The following CPVL variants were observed in gnomAD, a reference collection of about 807,000 sequenced individuals.
CPVL encodes the protein carboxypeptidase vitellogenic like.
A neutral mutation model predicts 63.7 loss-of-function variants in CPVL; 51 were observed. That is an observed-to-expected ratio of 0.80 (90% CI 0.64 to 1.01). The LOEUF is 1.01. Among genes scored for constraint, CPVL ranks in the 50% least tolerant of loss-of-function variants. CPVL has a pLI of 0.00. For missense variants in CPVL, 530 were observed against 573.1 expected (o/e 0.92, Z 0.77); for synonymous variants, 195 against 206.0 (o/e 0.95, Z 0.46).
chr7:29,024,828 C>G (rs1787334441), intron 12 of CPVL, among the ~76,000 whole-genome samples: 1 of 152,138 alleles, frequency 6.6e-6, no homozygotes, highest in Non-Finnish European at 1.5e-5. Context: ...ACTGGCCCTA[C>G]AAGAAATGCT....
rs373137123 is a variant in CPVL, at chr7:29,142,895, G to C, written c.-11+3534C>G. On this transcript the variant is annotated intron_variant, in intron 1 of 12. Coordinates refer to ENST00000265394, the MANE Select transcript of CPVL (RefSeq NM_031311.5). ...GAGTTCTAAAACCAGAAGTCCTCAA[G>C]TCAAATCTGTCACCAAGTGCTATTC... Among the ~76,000 whole-genome samples the C allele has an allele frequency of 4.7e-4, 71 of 152,214 alleles. 2 individuals carry two copies. Among genetic ancestry groups the C allele is most frequent in the African/African-American group, 1.7e-3 (69 of 41,542 alleles).
At chr7:29,077,515 T>C (rs1253236251) in intron 7 of CPVL, among the ~76,000 whole-genome samples, 1 of 152,136 alleles carries the variant, frequency 6.6e-6, no homozygotes, top group Non-Finnish European at 1.5e-5. Flanking sequence ...ACTTCAGCAA[T>C]GGTACACTGA....
At chr7:29,107,643 T>C (rs972894619) in intron 3 of CPVL, among the ~76,000 whole-genome samples, 6 of 152,230 alleles carry the variant, frequency 3.9e-5, no homozygotes, top group Non-Finnish European at 8.8e-5. Flanking sequence ...TTACAAACAC[T>C]GATCCCTGGG....
chr7:29,194,971 C>T, intron 1 of CPVL: 2 of 1,586,044 alleles, frequency 1.3e-6, no homozygotes, highest in Non-Finnish European at 1.7e-6. Flanking sequence ...CCAGCCTGTC[C>T]GGCTCGTCGG....
chr7:29,161,443 A>G (rs553807293), intron 5 of CPVL, among the ~76,000 whole-genome samples: 1 of 152,252 alleles, frequency 6.6e-6, no homozygotes, highest in Non-Finnish European at 1.5e-5. Flanking sequence ...TTCCCTTTCC[A>G]GCTGGACCCC....
chr7:29,106,149 CAG>C (rs1489770989), intron 3 of CPVL, among the ~76,000 whole-genome samples: 1 of 152,118 alleles, frequency 6.6e-6, no homozygotes, highest in African/African-American at 2.4e-5. Context: ...CAGGTGGACA[CAG>C]AGAGACTCAG....
chr7:29,112,494 A>G (rs1300893085), intron 3 of CPVL, among the ~76,000 whole-genome samples: 2 of 152,142 alleles, frequency 1.3e-5, no homozygotes, highest in Admixed American at 6.5e-5. Flanking sequence ...GAAGTTGGAC[A>G]CTTCCCACTC....
At chr7:29,037,485 G>A (rs1412807065) in intron 11 of CPVL, among the ~76,000 whole-genome samples, 5 of 149,372 alleles carry the variant, frequency 3.3e-5, no homozygotes, top group African/African-American at 9.9e-5. Flanking sequence ...CCTGGGAGGC[G>A]GAGCTTGCAG....
chr7:29,186,253 C>CA (rs70980510), intron 2 of CPVL, among the ~76,000 whole-genome samples: 17,468 of 146,114 alleles, frequency 0.12, 1,141 homozygotes, highest in African/African-American at 0.17. Context: ...ATGTTTTAGG[C>CA]AAAAAAAAAA....
intron 1 of CPVL, chr7:29,194,324 C>G (rs1298343398): frequency 6.6e-6 from 1 of 152,384 alleles, no homozygotes; most frequent in African/African-American, 2.4e-5. Flanking sequence ...CCCTGTCCAG[C>G]AGTCCGCAGC....
At chr7:29,073,658 C>G (rs1783964928) in intron 7 of CPVL, among the ~76,000 whole-genome samples, 1 of 152,128 alleles carries the variant, frequency 6.6e-6, no homozygotes, top group Non-Finnish European at 1.5e-5. Context: ...CCCTCAATGT[C>G]CTATATTTTT....
rs377701700 is a variant in CPVL at position 29,124,026 on chromosome 7, C to T, written c.-10-2955G>A. Among the ~76,000 whole-genome samples the T allele has an allele frequency of 5.9e-5, 9 of 152,030 alleles. No homozygotes were observed. The South Asian group carries it at 8.3e-4, about 14-fold the overall frequency. ...TTCCCATTCAGGTGAATTAAAGCAC[C>T]GACATACTTCATTTTACAGTTCTCA... is the stretch of plus-strand genomic sequence containing the variant. On this transcript the variant is annotated intron_variant, in intron 1 of 12. Transcript: ENST00000265394.
At chr7:28,995,019 CAAT>C (rs752583456), downstream of CPVL, among the ~76,000 whole-genome samples, 1 of 152,002 alleles carries the variant, frequency 6.6e-6, no homozygotes, top group Middle Eastern at 3.2e-3. Context: ...GATATTCTAA[CAAT>C]GATACAAAAT....
At chr7:29,066,157 G>C in intron 9 of CPVL, 36 bp from the exon 10 acceptor site, 4 of 1,035,508 alleles carry the variant, frequency 3.9e-6, no homozygotes, top group Non-Finnish European at 5.9e-6. Flanking sequence ...AAGAAAGAAA[G>C]AAAACATCAG....
At chr7:29,052,958 A>G (rs1790349698) in intron 11 of CPVL, among the ~76,000 whole-genome samples, 1 of 152,284 alleles carries the variant, frequency 6.6e-6, no homozygotes, top group Admixed American at 6.5e-5. Flanking sequence ...AATAAAAAAC[A>G]AATAACCCAA....
Position 29,071,895 on chromosome 7 carries a change from C to T in CPVL, c.742G>A (p.Gly248Ser), listed in dbSNP as rs540733056. 48 of 1,613,986 alleles carry T rather than the reference C, an allele frequency of 3.0e-5. No homozygotes were observed. In the South Asian group the frequency reaches 5.2e-4, roughly 17 times the overall value. Reference sequence around the variant, plus strand: ...ATTTGGTACAGGAATTCTGCATAGCCCCCTATAATCTGAGGACAAAAAAGA... The same window carrying T: ...ATTTGGTACAGGAATTCTGCATAGCTCCCTATAATCTGAGGACAAAAAAGA... ...GYSDPESIIG[G>S]YAEFLYQIGL... Residue 248 changes from glycine (G) to serine (S), a missense_variant, in exon 9 of 13, where the codon GGC becomes AGC. By Grantham distance (56) the Gly-to-Ser change is moderately conservative (BLOSUM62 0). Coordinates refer to ENST00000265394, the MANE Select transcript of CPVL (RefSeq NM_031311.5).
intron 2 of CPVL, among the ~76,000 whole-genome samples, chr7:29,119,219 G>A (rs990126233): frequency 4.6e-5 from 7 of 152,236 alleles, no homozygotes; most frequent in African/African-American, 7.2e-5. Context: ...GGGGGCAGTG[G>A]CTCACGCCTA....
chr7:28,996,796 T>C lies in CPVL; in HGVS notation c.1321-914A>G, dbSNP rs1384095693. ...CCATCCACTAATCCATCTTATATTT[T>C]TGACACATCTCAAAGTAAAATGGGC... On this transcript the variant is annotated intron_variant, in intron 12 of 12. Coordinates refer to ENST00000265394, the MANE Select transcript of CPVL (RefSeq NM_031311.5). Among the ~76,000 whole-genome samples, 4 of 152,340 alleles carry C rather than the reference T, an allele frequency of 2.6e-5. No homozygotes were observed. The East Asian group carries it at 7.7e-4, about 29-fold the overall frequency.
At chr7:29,113,743 C>T (rs1053816143) in intron 2 of CPVL, 3 of 152,252 alleles carry the variant, frequency 2.0e-5, no homozygotes, top group African/African-American at 7.2e-5. Context: ...TGTTCCTTCC[C>T]CCAGGGCTTT....
Sources: gnomAD v4.1 joint callset for allele counts (sites outside exome capture counted in the v4.1 genomes callset) on GRCh38, gnomAD v4.1.1 for gene constraint, MANE v1.5 for transcripts, NCBI Gene and HGNC (gene_info 2026-07-23, HGNC 2026-07-21) for gene names.